OLFML2A: variants seen among roughly 807,000 people sequenced by gnomAD.
OLFML2A encodes olfactomedin-like protein 2A.
Under a neutral mutation model 60.9 loss-of-function variants are expected in OLFML2A, and 47 were observed. That is an observed-to-expected ratio of 0.77 (90% CI 0.61 to 0.98). The LOEUF is 0.98. Ranked by LOEUF, OLFML2A falls within the 50% of genes least tolerant of loss-of-function variation. OLFML2A has a pLI of 0.00. For synonymous variants in OLFML2A, 372 were observed against 375.0 expected, an observed-to-expected ratio of 0.99 and a Z score of 0.09; for missense variants, 922 against 879.8, an observed-to-expected ratio of 1.05 and a Z score of -0.61.
intron 7 of OLFML2A, 44 bp from the exon 8 acceptor site, chr9:124,809,764 G>A: frequency 6.5e-7 from 1 of 1,547,156 alleles, no homozygotes; most frequent in South Asian, 1.2e-5. Flanking sequence ...GGGTGGGCTG[G>A]GGTTGCTCGG....
intron 2 of OLFML2A, 132 bp from the exon 3 acceptor site, chr9:124,794,892 G>A: frequency 3.5e-6 from 2 of 567,736 alleles, no homozygotes; most frequent in Non-Finnish European, 6.5e-6. Context: ...AAAGTGCTGG[G>A]ATTACAGGCG....
At chr9:124,801,724 C>T in intron 5 of OLFML2A, 61 bp downstream of exon 5, 4 of 1,535,526 alleles carry the variant, frequency 2.6e-6, no homozygotes, top group Non-Finnish European at 3.5e-6. Context: ...TAGGAATCCC[C>T]TCATCTTCTC....
intron 5 of OLFML2A, among the ~76,000 whole-genome samples, chr9:124,803,584 T>A (rs1051351672): frequency 6.6e-6 from 1 of 152,232 alleles, no homozygotes. Flanking sequence ...CTTTCGTTCA[T>A]GCCGTCTCAT....
intron 1 of OLFML2A, among the ~76,000 whole-genome samples, chr9:124,781,486 G>C (rs555015209): frequency 6.6e-6 from 1 of 152,244 alleles, no homozygotes; most frequent in Admixed American, 6.5e-5. Flanking sequence ...AAAAAGGGCA[G>C]ACCCAACTTC....
intron 1 of OLFML2A, among the ~76,000 whole-genome samples, chr9:124,781,529 C>T (rs1205053588): frequency 6.6e-6 from 1 of 152,140 alleles, no homozygotes; most frequent in Non-Finnish European, 1.5e-5. Flanking sequence ...CGTGGTGGCT[C>T]ACACCTGTAA....
chr9:124,782,283 GTCT>G (rs777376695), intron 1 of OLFML2A, among the ~76,000 whole-genome samples: 179 of 152,366 alleles, frequency 1.2e-3, no homozygotes, highest in Non-Finnish European at 2.1e-3. Context: ...CAAGCCCCTA[GTCT>G]TCTCTGATGC....
chr9:124,805,629 G>T (rs1042332616), intron 6 of OLFML2A, among the ~76,000 whole-genome samples: 1 of 151,870 alleles, frequency 6.6e-6, no homozygotes, highest in Non-Finnish European at 1.5e-5. Context: ...ATGGTGGGAG[G>T]GGGTAAAGGA....
At chr9:124,794,904 G>A (rs1433276511) in intron 2 of OLFML2A, 120 bp from the exon 3 acceptor site, 6 of 605,890 alleles carry the variant, frequency 9.9e-6, no homozygotes, top group South Asian at 2.1e-5. Flanking sequence ...TTACAGGCGT[G>A]AGCCACAGCG....
chr9:124,797,145 A>AGTTTTTTGT (rs111549761), intron 3 of OLFML2A, among the ~76,000 whole-genome samples: 1 of 152,066 alleles, frequency 6.6e-6, no homozygotes, highest in Admixed American at 6.6e-5. Context: ...ACACTCAGCT[A>AGTTTTTTGT]GTTTTTTGTG....
intron 1 of OLFML2A, among the ~76,000 whole-genome samples, chr9:124,785,084 G>T (rs1392595479): frequency 2.0e-5 from 3 of 148,948 alleles, no homozygotes; most frequent in African/African-American, 7.4e-5. Flanking sequence ...CTCCCTAGTA[G>T]CTGGGGCTAC....
In OLFML2A at chr9:124,810,001, C is replaced by G. The variant is rs780615026; in HGVS notation, c.1548C>G (p.Arg516=). Residue 516 remains arginine (R), a synonymous_variant, in exon 8 of 8, where the codon CGC becomes CGG. Transcript: ENST00000373580. The part of the protein sequence containing the change: ...VYEDTTPWKW[R]GHSDIDFAVD... ...AGGACACCACACCTTGGAAGTGGCG[C>G]GGACACTCGGACATTGACTTTGCCG... The G allele has an allele frequency of 6.2e-7, 1 of 1,614,130 alleles. No individual in the cohort carries two copies. The highest frequency in any genetic ancestry group is 8.5e-7 in the Non-Finnish European group (1 of 1,180,038).
chr9:124,790,801 A>G (rs1841554694), intron 2 of OLFML2A, among the ~76,000 whole-genome samples: 1 of 152,120 alleles, frequency 6.6e-6, no homozygotes, highest in South Asian at 2.1e-4. Context: ...TCAGCAGGAC[A>G]TTCTCTATAA....
intron 6 of OLFML2A, among the ~76,000 whole-genome samples, chr9:124,805,068 C>T (rs1327512281): frequency 6.6e-6 from 1 of 152,190 alleles, no homozygotes; most frequent in African/African-American, 2.4e-5. Flanking sequence ...AATCCAGCAA[C>T]TATTTTTATT....
intron 1 of OLFML2A, among the ~76,000 whole-genome samples, chr9:124,784,423 C>T (rs549995716): frequency 2.0e-5 from 3 of 152,052 alleles, no homozygotes; most frequent in South Asian, 2.1e-4. Flanking sequence ...AGGCTGGCCT[C>T]GAACTCTTGA....
At position 124,777,375 on chromosome 9, in the gene OLFML2A, C is replaced by G; in HGVS notation, c.90+15C>G. The G allele has an allele frequency of 1.6e-6, 2 of 1,241,546 alleles. No homozygotes were observed. The highest frequency in any genetic ancestry group is 2.0e-6 in the Non-Finnish European group (2 of 990,998). The allele number at this position is 1,241,546 out of a possible 1,614,324, so 76.9% of individuals were successfully genotyped here. A position where few individuals can be genotyped will look rare whatever the true frequency, so the allele number is the denominator to read the frequency against. ...CCGACAGTAAGGTACGCACGCCCCT[C>G]GGACCCGCGCGGCTCGGCGGGTAGC... On this transcript the variant is annotated intron_variant, in intron 1 of 7. Transcript: ENST00000373580. The surrounding 1 kb of genome is among the most constrained non-coding windows in gnomAD (Gnocchi z 6.2).
Position 124,809,823 on chromosome 9 carries a change from T to A in OLFML2A, c.1370T>A (p.Met457Lys). The change falls in exon 8 of 8, where the codon ATG becomes AAG. Residue 457 changes from methionine (M) to lysine (K), a missense_variant. Physicochemically the swap from Met to Lys is moderately conservative, Grantham distance 95. Coordinates refer to ENST00000373580, the MANE Select transcript of OLFML2A (RefSeq NM_182487.4). ...TCGCCTGCAGGCCGCTGGAGTAACATGTACAAGCTACCCTACAACTGGATC... is the reference window on the plus strand; with the variant it reads ...TCGCCTGCAGGCCGCTGGAGTAACAAGTACAAGCTACCCTACAACTGGATC... Reference protein sequence around the residue: ...ENFKQGRWSNMYKLPYNWIGT... With the variant: ...ENFKQGRWSNKYKLPYNWIGT... The A allele has an allele frequency of 6.2e-7, 1 of 1,607,866 alleles. No homozygotes were observed. Among genetic ancestry groups the A allele is most frequent in the Non-Finnish European group, 8.5e-7 (1 of 1,175,804 alleles).
chr9:124,781,193 C>T (rs1841355421), intron 1 of OLFML2A, among the ~76,000 whole-genome samples: 1 of 152,142 alleles, frequency 6.6e-6, no homozygotes, highest in African/African-American at 2.4e-5. Context: ...CGAACTAGGG[C>T]TATGGCTGTG....
chr9:124,810,215 G>C lies in OLFML2A; in HGVS notation c.1762G>C (p.Val588Leu). 6.2e-7 allele frequency: 1 copy of C among 1,613,624 alleles called. No individual in the cohort carries two copies. Among genetic ancestry groups the C allele is most frequent in the Non-Finnish European group, 8.5e-7 (1 of 1,180,014 alleles). Residue 588 changes from valine to leucine, a missense_variant, in exon 8 of 8, where the codon GTG (valine) becomes CTG (leucine). Val to Leu is a conservative substitution (Grantham distance 32, BLOSUM62 1). Transcript: ENST00000373580. Reference sequence around the variant, plus strand: ...CCTGGTGTGCGGCATCCTGTATGCCGTGGACACGTACAACCAGCAGGAAGG... The same window carrying C: ...CCTGGTGTGCGGCATCCTGTATGCCCTGGACACGTACAACCAGCAGGAAGG... ...CFLVCGILYAVDTYNQQEGQV... is the reference protein window; with the variant it reads ...CFLVCGILYALDTYNQQEGQV...
chr9:124,799,202 G>T, intron 3 of OLFML2A, 83 bp from the exon 4 acceptor site: 3 of 1,011,144 alleles, frequency 3.0e-6, no homozygotes, highest in South Asian at 2.8e-5. Flanking sequence ...AAAGCCTAAT[G>T]ACCAAAGCTG....
Sources: gnomAD v4.1 joint callset for allele counts (sites outside exome capture counted in the v4.1 genomes callset) on GRCh38, gnomAD v4.1.1 for gene constraint, Gnocchi (gnomAD v3.1) non-coding constraint, MANE v1.5 for transcripts, NCBI Gene and HGNC (gene_info 2026-07-23, HGNC 2026-07-21) for gene names.